Variants in CPA6 observed in about 807,000 individuals in gnomAD.
CPA6 encodes the protein carboxypeptidase A6.
Under a neutral mutation model 63.3 loss-of-function variants are expected in CPA6, and 58 were observed. The ratio of observed to expected loss-of-function variants is 0.92; its 90% CI spans 0.74 to 1.14. CPA6 has a LOEUF of 1.14. CPA6 is among the 50% of genes most tolerant of loss of function. CPA6 has a pLI of 0.00. For missense variants in CPA6, 565 were observed against 526.6 expected (o/e 1.07, Z -0.71); for synonymous variants, 185 against 179.0 (o/e 1.03, Z -0.27).
intron 1 of CPA6, among the ~76,000 whole-genome samples, chr8:67,626,187 A>C (rs1195385173): frequency 6.6e-6 from 1 of 152,148 alleles, no homozygotes; most frequent in Admixed American, 6.5e-5. Context: ...ACCCAGTCTC[A>C]GGTATTTCTT....
chr8:67,638,405 T>C (rs1028124647), intron 1 of CPA6, among the ~76,000 whole-genome samples: 1 of 151,408 alleles, frequency 6.6e-6, no homozygotes, highest in Non-Finnish European at 1.5e-5. Context: ...ATCAACCTAA[T>C]AAACCTAGTA....
intron 1 of CPA6, among the ~76,000 whole-genome samples, chr8:67,668,340 A>G (rs1446850118): frequency 6.6e-6 from 1 of 152,234 alleles, no homozygotes; most frequent in Non-Finnish European, 1.5e-5. Flanking sequence ...TTCGCACTCA[A>G]TAAAAGCTTC....
intron 2 of CPA6, among the ~76,000 whole-genome samples, chr8:67,563,120 GA>G (rs10710818): frequency 0.43 from 63,256 of 146,482 alleles, 14,760 homozygotes; most frequent in Non-Finnish European, 0.53. Flanking sequence ...AGAATGAAGA[GA>G]AAAAAAAAAA....
chr8:67,551,340 T>C (rs1812932592), intron 2 of CPA6, among the ~76,000 whole-genome samples: 2 of 152,144 alleles, frequency 1.3e-5, no homozygotes, highest in Admixed American at 6.5e-5. Context: ...GTATGTGTGC[T>C]GCTTTATTTC....
intron 1 of CPA6, among the ~76,000 whole-genome samples, chr8:67,654,469 T>C (rs1442250812): frequency 6.6e-6 from 1 of 152,172 alleles, no homozygotes; most frequent in African/African-American, 2.4e-5. Context: ...GGTTTAGTCT[T>C]GGGAGGGTGT....
At chr8:67,543,830 C>A (rs1812758814) in intron 2 of CPA6, among the ~76,000 whole-genome samples, 1 of 151,420 alleles carries the variant, frequency 6.6e-6, no homozygotes, top group Non-Finnish European at 1.5e-5. Context: ...GTTGCCCAGG[C>A]TGGAGTGCAG....
chr8:67,690,517 T>A (rs898591280), intron 1 of CPA6, among the ~76,000 whole-genome samples: 1 of 152,220 alleles, frequency 6.6e-6, no homozygotes, highest in African/African-American at 2.4e-5. Flanking sequence ...TTCTAAGGTA[T>A]GTTATTTAAA....
At chr8:67,437,320 G>A (rs561288903) in intron 8 of CPA6, among the ~76,000 whole-genome samples, 2 of 152,280 alleles carry the variant, frequency 1.3e-5, no homozygotes, top group South Asian at 2.1e-4. Flanking sequence ...GCACGAACCC[G>A]GGAGGCGGAG....
intron 2 of CPA6, among the ~76,000 whole-genome samples, chr8:67,590,680 A>T (rs1351754907): frequency 2.0e-5 from 3 of 152,118 alleles, no homozygotes; most frequent in African/African-American, 7.2e-5. Context: ...GGCTGCATAA[A>T]TGTCTTCTTT....
intron 1 of CPA6, among the ~76,000 whole-genome samples, chr8:67,635,742 G>C (rs934617482): frequency 3.3e-5 from 5 of 151,632 alleles, no homozygotes; most frequent in African/African-American, 1.2e-4. Flanking sequence ...ACTCCAGCCT[G>C]GGCAACAAAG....
chr8:67,544,095 T>G (rs548017243), intron 2 of CPA6, among the ~76,000 whole-genome samples: 3 of 152,194 alleles, frequency 2.0e-5, no homozygotes, highest in Non-Finnish European at 4.4e-5. Flanking sequence ...GCCTCCACTA[T>G]TATTTTTTAA....
intron 2 of CPA6, among the ~76,000 whole-genome samples, chr8:67,541,765 C>T (rs562119617): frequency 9.2e-5 from 14 of 152,298 alleles, no homozygotes; most frequent in African/African-American, 3.4e-4. Context: ...TTCCTGAATC[C>T]CTTGTGCATC....
intron 2 of CPA6, among the ~76,000 whole-genome samples, chr8:67,600,613 T>G (rs556773181): frequency 7.2e-5 from 11 of 152,290 alleles, no homozygotes; most frequent in African/African-American, 2.6e-4. Context: ...GATCTCTGTA[T>G]AATTTTTTGT....
intron 6 of CPA6, among the ~76,000 whole-genome samples, chr8:67,500,602 G>A (rs916853535): frequency 3.9e-5 from 6 of 151,952 alleles, no homozygotes; most frequent in African/African-American, 9.6e-5. Context: ...ATCAAAGAAC[G>A]CTTTGTCTTG....
chr8:67,642,289 A>C (rs7812862), intron 1 of CPA6, among the ~76,000 whole-genome samples: 1 of 151,258 alleles, frequency 6.6e-6, no homozygotes, highest in Non-Finnish European at 1.5e-5. Flanking sequence ...TTGCACTCCA[A>C]CCTGGGCGAC....
At chr8:67,555,330 C>T (rs1019945585) in intron 2 of CPA6, among the ~76,000 whole-genome samples, 9 of 152,122 alleles carry the variant, frequency 5.9e-5, no homozygotes, top group African/African-American at 1.4e-4. Context: ...GTTCAGTCAT[C>T]GATGGCCAAT....
intron 8 of CPA6, among the ~76,000 whole-genome samples, chr8:67,443,703 T>G (rs545320649): frequency 6.6e-6 from 1 of 152,310 alleles, no homozygotes; most frequent in African/African-American, 2.4e-5. Context: ...TAACGCATGG[T>G]CAAATTTTTA....
chr8:67,663,528 C>T (rs1476888424), intron 1 of CPA6, among the ~76,000 whole-genome samples: 1 of 152,076 alleles, frequency 6.6e-6, no homozygotes, highest in East Asian at 1.9e-4. Flanking sequence ...CTCCCCCACC[C>T]CACTCCCCAA....
At chr8:67,450,510 G>A (rs570569874) in intron 8 of CPA6, among the ~76,000 whole-genome samples, 3 of 152,278 alleles carry the variant, frequency 2.0e-5, no homozygotes, top group South Asian at 2.1e-4. Context: ...CGAAGGGTAG[G>A]AATTGCTATC....
Sources: allele counts gnomAD v4.1 joint callset (sites outside exome capture counted in the v4.1 genomes callset), GRCh38; gene constraint gnomAD v4.1.1; transcripts MANE v1.5; gene names NCBI Gene and HGNC (gene_info 2026-07-23, HGNC 2026-07-21).